Variants in CERS3 observed in about 807,000 individuals in gnomAD.
CERS3 encodes LAG1 homolog, ceramide synthase 3.
Under a neutral mutation model 50.3 loss-of-function variants are expected in CERS3, and 33 were observed. That is an observed-to-expected ratio of 0.66 (90% CI 0.50 to 0.88). CERS3 has a LOEUF of 0.88. CERS3 is among the 40% of genes least tolerant of loss of function. CERS3 has a pLI of 0.00. For synonymous variants in CERS3, 176 were observed against 155.2 expected (o/e 1.13, Z -0.99); for missense variants, 470 against 460.3 (o/e 1.02, Z -0.19).
intron 11 of CERS3, among the ~76,000 whole-genome samples, chr15:100,432,182 C>T (rs1234525980): frequency 1.3e-5 from 2 of 152,048 alleles, no homozygotes; most frequent in Non-Finnish European, 2.9e-5. Context: ...AACCTCCTGC[C>T]TCAGCCTCCC....
intron 10 of CERS3, 65 bp downstream of exon 10, chr15:100,469,313 T>C: frequency 8.4e-7 from 1 of 1,189,812 alleles, no homozygotes; most frequent in Non-Finnish European, 1.3e-6. Flanking sequence ...GCCCTGAGGG[T>C]AACCATGCAC....
intron 11 of CERS3, among the ~76,000 whole-genome samples, chr15:100,409,158 C>T (rs74038764): frequency 0.033 from 5,078 of 152,264 alleles, 306 homozygotes; most frequent in African/African-American, 0.11. Flanking sequence ...CCAAGTGCCC[C>T]GTCTCGCTAC....
chr15:100,440,433 CA>C (rs1344316751), intron 11 of CERS3, among the ~76,000 whole-genome samples: 2 of 152,200 alleles, frequency 1.3e-5, no homozygotes, highest in Non-Finnish European at 2.9e-5. Context: ...TCCTGCCCAC[CA>C]GAGAACAAAC....
At chr15:100,539,222 T>C (rs994172306) in intron 1 of CERS3, among the ~76,000 whole-genome samples, 3 of 152,212 alleles carry the variant, frequency 2.0e-5, no homozygotes, top group Admixed American at 6.5e-5. Flanking sequence ...CTCTGAAATG[T>C]TCCAAACTTT....
intron 11 of CERS3, among the ~76,000 whole-genome samples, chr15:100,447,696 T>C (rs2033995293): frequency 1.3e-5 from 2 of 152,246 alleles, no homozygotes; most frequent in Non-Finnish European, 2.9e-5. Context: ...TCCTGGTCCC[T>C]TGAGTTAATT....
chr15:100,434,323 C>A (rs1407898404), intron 11 of CERS3, among the ~76,000 whole-genome samples: 1 of 152,148 alleles, frequency 6.6e-6, no homozygotes, highest in East Asian at 1.9e-4. Flanking sequence ...TCACATGTGC[C>A]AAGGAGACAC....
chr15:100,432,427 A>G (rs779148238), intron 11 of CERS3, among the ~76,000 whole-genome samples: 5 of 152,354 alleles, frequency 3.3e-5, no homozygotes, highest in Non-Finnish European at 7.3e-5. Context: ...AGTGGAGGAA[A>G]TGTTGCTTAA....
chr15:100,441,432 C>A (rs531054047), intron 11 of CERS3, among the ~76,000 whole-genome samples: 1 of 151,746 alleles, frequency 6.6e-6, no homozygotes, highest in Non-Finnish European at 1.5e-5. Flanking sequence ...TACTTCCACG[C>A]CCCAACCCCT....
At chr15:100,531,368 A>G (rs1438037973), upstream of CERS3, among the ~76,000 whole-genome samples, 1 of 151,300 alleles carries the variant, frequency 6.6e-6, no homozygotes, top group Admixed American at 6.6e-5. Flanking sequence ...TGCTAGAGGA[A>G]TGAGAGTGAG....
At chr15:100,500,467 C>G (rs562239586) in intron 3 of CERS3, 2 of 152,270 alleles carry the variant, frequency 1.3e-5, no homozygotes, top group South Asian at 4.1e-4. Flanking sequence ...CCTGGCCAAA[C>G]TGTGAAAAAT....
rs540754355 is a variant in CERS3 at position 100,449,301 on chromosome 15, C to A, written c.999+6592G>T. 7.2e-5 allele frequency among the ~76,000 whole-genome samples: 11 copies of A among 152,374 alleles called. No individual in the cohort carries two copies. The East Asian group carries it at 1.7e-3, about 24-fold the overall frequency. On this transcript the variant is annotated intron_variant, in intron 11 of 11. Coordinates refer to ENST00000679737, the MANE Select transcript of CERS3 (RefSeq NM_001378789.1). ...ATCCCATTGCAGCCACTGCCAACAC[C>A]AATGCAGACCACTTGGGAGCCAGAG...
chr15:100,492,724 T>C lies in CERS3; in HGVS notation c.174-1793A>G, dbSNP rs1596755127. Among the ~76,000 whole-genome samples the C allele has an allele frequency of 3.3e-5, 5 of 152,340 alleles. 1 individual carries two copies. The Middle Eastern group carries it at 0.017, about 518-fold the overall frequency. On this transcript the variant is annotated intron_variant, in intron 3 of 11. Transcript: ENST00000679737. ...TTCCTGATAAAATAGGATTTATGTC[T>C]GCCATTTTGCTATTTGTTTTCTATA...
chr15:100,406,554 G>T (rs1222002916), intron 11 of CERS3, among the ~76,000 whole-genome samples: 1 of 152,162 alleles, frequency 6.6e-6, no homozygotes, highest in Non-Finnish European at 1.5e-5. Flanking sequence ...CACAGAAAGG[G>T]TGTCAAAATG....
chr15:100,478,679 TA>T (rs60935262), intron 7 of CERS3, among the ~76,000 whole-genome samples: 29,318 of 151,890 alleles, frequency 0.19, 3,029 homozygotes, highest in Admixed American at 0.28. Flanking sequence ...TGAAGGAAAA[TA>T]AACTGCTAAT....
At chr15:100,479,504 C>G (rs1423991768) in intron 6 of CERS3, 26 bp from the exon 7 acceptor site, 3 of 1,567,348 alleles carry the variant, frequency 1.9e-6, no homozygotes, top group African/African-American at 2.8e-5. Context: ...AAAAAAGAGC[C>G]AACAGATGAG....
intron 10 of CERS3, among the ~76,000 whole-genome samples, chr15:100,460,756 T>C (rs183218925): frequency 1.2e-3 from 180 of 152,324 alleles, no homozygotes; most frequent in Middle Eastern, 0.01. Flanking sequence ...AGGTCCCCTA[T>C]TGGGAATTTG....
chr15:100,472,700 C>T (rs569921998), intron 9 of CERS3, among the ~76,000 whole-genome samples: 1 of 152,236 alleles, frequency 6.6e-6, no homozygotes, highest in Non-Finnish European at 1.5e-5. Flanking sequence ...GAGTGGAATC[C>T]CACAAATTAA....
intron 2 of CERS3, among the ~76,000 whole-genome samples, chr15:100,515,905 T>C (rs979811743): frequency 3.3e-5 from 5 of 152,178 alleles, no homozygotes; most frequent in Non-Finnish European, 7.3e-5. Flanking sequence ...TCACTGGCCA[T>C]CTTCGCGAAC....
chr15:100,480,623 C>G (rs1438421053), intron 5 of CERS3, among the ~76,000 whole-genome samples: 1 of 152,016 alleles, frequency 6.6e-6, no homozygotes, highest in Admixed American at 6.6e-5. Context: ...TATTTAGATC[C>G]TGATTCAAAT....
Sources: allele counts gnomAD v4.1 joint callset (sites outside exome capture counted in the v4.1 genomes callset), GRCh38; gene constraint gnomAD v4.1.1; transcripts MANE v1.5; gene names NCBI Gene and HGNC (gene_info 2026-07-23, HGNC 2026-07-21).